The following DSG4 variants were observed in gnomAD, a reference collection of about 807,000 sequenced individuals.
DSG4 encodes the protein desmoglein-4.
Under a neutral mutation model 93.1 loss-of-function variants are expected in DSG4, and 87 were observed. The ratio of observed to expected loss-of-function variants is 0.93; its 90% CI spans 0.79 to 1.12. The LOEUF is 1.12. Among genes scored for constraint, DSG4 ranks in the 50% most tolerant of loss-of-function variants. The probability of loss-of-function intolerance (pLI) is 0.00; values close to 1 mark genes in which losing one functional copy is unlikely to be tolerated. For synonymous variants in DSG4, 432 were observed against 452.9 expected (o/e 0.95, Z 0.59); for missense variants, 1,373 against 1,285.7 (o/e 1.07, Z -1.04).
chr18:31,398,052 T>G lies in DSG4; in HGVS notation c.1006-1220T>G, dbSNP rs562676777. Among the ~76,000 whole-genome samples the G allele has an allele frequency of 2.6e-4, 38 of 148,538 alleles. 1 individual carries two copies. Among genetic ancestry groups the G allele is most frequent in the African/African-American group, 8.4e-4 (34 of 40,338 alleles). ...AAAAAAAAAAAAAAAAAAAAAAACT[T>G]GAGGTTCTCGATTTTTCATTTATTT... On this transcript the variant is annotated intron_variant, in intron 8 of 15. Transcript: ENST00000308128.
chr18:31,406,977 C>T (rs1046532729), intron 12 of DSG4, among the ~76,000 whole-genome samples: 1 of 152,030 alleles, frequency 6.6e-6, no homozygotes, highest in Non-Finnish European at 1.5e-5. Flanking sequence ...GGGGTTTCAC[C>T]ATGATAGCCA....
chr18:31,402,825 T>C (rs565150087), intron 10 of DSG4, among the ~76,000 whole-genome samples: 1 of 152,350 alleles, frequency 6.6e-6, no homozygotes, highest in South Asian at 2.1e-4. Context: ...ATCCAAAAAC[T>C]TGTTTCAAGT....
intron 3 of DSG4, 58 bp from the exon 4 acceptor site, chr18:31,388,309 C>A: frequency 6.3e-7 from 1 of 1,593,608 alleles, no homozygotes; most frequent in Non-Finnish European, 8.6e-7. Flanking sequence ...TATTCCACTA[C>A]ACTCTTAAGC....
At chr18:31,378,181 G>C (rs963282044) in intron 1 of DSG4, among the ~76,000 whole-genome samples, 5 of 152,072 alleles carry the variant, frequency 3.3e-5, no homozygotes, top group Non-Finnish European at 7.4e-5. Flanking sequence ...TACCATTTTT[G>C]AAAAATATTT....
intron 1 of DSG4, among the ~76,000 whole-genome samples, chr18:31,381,171 T>C (rs1028379636): frequency 2.6e-5 from 4 of 152,202 alleles, no homozygotes; most frequent in African/African-American, 9.6e-5. Context: ...CTTAATCATA[T>C]ATTTCCCACC....
At chr18:31,378,749 T>C (rs2072103827) in intron 1 of DSG4, among the ~76,000 whole-genome samples, 1 of 152,182 alleles carries the variant, frequency 6.6e-6, no homozygotes, top group African/African-American at 2.4e-5. Context: ...TAATAGTGTC[T>C]GGAATTGGGA....
Position 31,413,438 on chromosome 18 carries a change from C to T in DSG4, c.2966C>T (p.Pro989Leu). ...AGCACGACTGAGGGTTGTATGGGAC[C>T]TGTGATGAGCGGCAATATTTTAGTA... Reference protein sequence around the residue: ...NSSTTEGCMGPVMSGNILVGP... With the variant: ...NSSTTEGCMGLVMSGNILVGP... The change falls in exon 16 of 16, where the codon CCT (proline) becomes CTT (leucine). Residue 989 changes from proline to leucine, a missense_variant. Physicochemically the swap from Pro to Leu is moderately conservative, Grantham distance 98. Coordinates refer to ENST00000308128, the MANE Select transcript of DSG4 (RefSeq NM_177986.5). The T allele has an allele frequency of 1.2e-6, 2 of 1,612,762 alleles. No individual in the cohort carries two copies. Among genetic ancestry groups the T allele is most frequent in the Non-Finnish European group, 1.7e-6 (2 of 1,178,864 alleles).
intron 1 of DSG4, among the ~76,000 whole-genome samples, chr18:31,384,682 T>C (rs188196266): frequency 6.6e-6 from 1 of 152,312 alleles, no homozygotes; most frequent in East Asian, 1.9e-4. Flanking sequence ...TTCCCTTACC[T>C]TCCAGCAAAA....
intron 1 of DSG4, among the ~76,000 whole-genome samples, chr18:31,383,981 T>A (rs1431812281): frequency 6.6e-6 from 1 of 152,176 alleles, no homozygotes; most frequent in Non-Finnish European, 1.5e-5. Context: ...AATTGCCTTA[T>A]AGATTTAGGT....
chr18:31,412,338 G>A (rs561806041), intron 15 of DSG4, among the ~76,000 whole-genome samples: 1 of 152,302 alleles, frequency 6.6e-6, no homozygotes, highest in African/African-American at 2.4e-5. Flanking sequence ...CATGGAGATA[G>A]AGAGTAGAAT....
At chr18:31,395,025 C>T (rs1393560036) in intron 8 of DSG4, among the ~76,000 whole-genome samples, 1 of 152,072 alleles carries the variant, frequency 6.6e-6, no homozygotes, top group Non-Finnish European at 1.5e-5. Context: ...ACCCCCAGCA[C>T]CTGGTCCAGT....
Position 31,390,646 on chromosome 18 carries a change from C to A in DSG4, c.518-10C>A. On this transcript the variant is annotated splice_polypyrimidine_tract_variant and intron_variant, in intron 5 of 15. Coordinates refer to ENST00000308128, the MANE Select transcript of DSG4 (RefSeq NM_177986.5). ...TCCCAACCATTCTCCACCTCCATTT[C>A]TATTTCTAGATACATTGGTAGTAAA... is the stretch of plus-strand genomic sequence containing the variant. 6.2e-7 allele frequency: 1 copy of A among 1,613,274 alleles called. No individual in the cohort carries two copies. The highest frequency in any genetic ancestry group is 8.5e-7 in the Non-Finnish European group (1 of 1,179,412).
Position 31,383,058 on chromosome 18 carries a change from G to T in DSG4, c.49-2078G>T, listed in dbSNP as rs992241710. On this transcript the variant is annotated intron_variant, in intron 1 of 15. Transcript: ENST00000308128. ...TCAAGTCCTTAAAAATGATTGGCTA[G>T]TACTTTTAGATGCCACGGGGCACTA... Among the ~76,000 whole-genome samples, 5 of 152,312 alleles carry T rather than the reference G, an allele frequency of 3.3e-5. No individual in the cohort carries two copies. In the South Asian group the frequency reaches 1.0e-3, roughly 32 times the overall value.
intron 5 of DSG4, 68 bp downstream of exon 5, chr18:31,389,086 G>T (rs2072222114): frequency 1.9e-6 from 3 of 1,564,448 alleles, no homozygotes; most frequent in Non-Finnish European, 2.6e-6. Flanking sequence ...AGCTTTAGAG[G>T]ACTGACATAC....
intron 1 of DSG4, 55 bp downstream of exon 1, chr18:31,377,014 G>C (rs1256297747): frequency 1.0e-5 from 16 of 1,576,902 alleles, no homozygotes; most frequent in Non-Finnish European, 1.1e-5. Flanking sequence ...TCTTGTCTCT[G>C]TCAACTGTCG....
chr18:31,409,830 T>G (rs868455171), intron 14 of DSG4, 22 bp downstream of exon 14: 4 of 1,613,798 alleles, frequency 2.5e-6, no homozygotes, highest in African/African-American at 2.7e-5. Context: ...CCAAAATCTG[T>G]TTTTCCTTTT....
chr18:31,399,389 C>A lies in DSG4; in HGVS notation c.1123C>A (p.Gln375Lys). Reference protein sequence around the residue: ...FQMHPTPVRIQVVDVREGPAF... With the variant: ...FQMHPTPVRIKVVDVREGPAF... ...AATGCACCCAACCCCTGTGAGAATT[C>A]AAGTTGTTGATGTGAGAGAAGGACC... Residue 375 changes from glutamine to lysine, a missense_variant, in exon 9 of 16, where the codon CAA (glutamine) becomes AAA (lysine). By Grantham distance (53) the Gln-to-Lys change is moderately conservative. Coordinates refer to ENST00000308128, the MANE Select transcript of DSG4 (RefSeq NM_177986.5). The A allele has an allele frequency of 6.2e-7, 1 of 1,614,074 alleles. No homozygotes were observed. Among genetic ancestry groups the A allele is most frequent in the East Asian group, 2.2e-5 (1 of 44,872 alleles).
intron 1 of DSG4, among the ~76,000 whole-genome samples, chr18:31,382,814 G>T (rs1015213480): frequency 6.6e-6 from 1 of 152,164 alleles, no homozygotes; most frequent in African/African-American, 2.4e-5. Context: ...TCTGCTAGAT[G>T]AAAACCCTGG....
intron 12 of DSG4, among the ~76,000 whole-genome samples, chr18:31,406,744 G>A (rs944310399): frequency 2.6e-5 from 4 of 151,988 alleles, no homozygotes; most frequent in Non-Finnish European, 4.4e-5. Flanking sequence ...ATTTTGAGGT[G>A]AGCCTGAAAA....
Sources: gnomAD v4.1 joint callset for allele counts (sites outside exome capture counted in the v4.1 genomes callset) on GRCh38, gnomAD v4.1.1 for gene constraint, MANE v1.5 for transcripts, NCBI Gene and HGNC (gene_info 2026-07-23, HGNC 2026-07-21) for gene names.